BCOR: variants seen among roughly 807,000 people sequenced by gnomAD.
BCOR encodes BCL-6 corepressor.
Under a neutral mutation model 86.7 loss-of-function variants are expected in BCOR, and 10 were observed. That is an observed-to-expected ratio of 0.12 (90% CI 0.07 to 0.20). The LOEUF is 0.20. Among genes scored for constraint, BCOR ranks in the 10% least tolerant of loss-of-function variants. The probability of loss-of-function intolerance (pLI) is 1.00; values close to 1 mark genes in which losing one functional copy is unlikely to be tolerated. For synonymous variants in BCOR, 611 were observed against 609.0 expected (o/e 1.00, Z -0.05); for missense variants, 1,259 against 1,452.1 (o/e 0.87, Z 2.16).
At chrX:40,065,467 TCTC>T (rs1935152952) in intron 6 of BCOR, among the ~76,000 whole-genome samples, 1 of 111,895 alleles carries the variant, frequency 8.9e-6, no homozygotes. Context: ...TCGACAGACA[TCTC>T]CTCATTGTTG....
At chrX:40,137,526 T>C (rs1416639031) in intron 1 of BCOR, among the ~76,000 whole-genome samples, 1 of 102,919 alleles carries the variant, frequency 9.7e-6, no homozygotes, top group African/African-American at 4.0e-5. Context: ...GCAGCCTAGA[T>C]AATAGAGTGA....
intron 7 of BCOR, among the ~76,000 whole-genome samples, 181 bp from the exon 8 acceptor site, chrX:40,064,133 TC>T (rs1322847958): frequency 9.4e-6 from 1 of 106,309 alleles, no homozygotes; most frequent in Non-Finnish European, 2.0e-5. Context: ...TGTGGGCGGC[TC>T]CCCCCGGGGG....
chrX:40,087,179 A>G (rs775706263), intron 1 of BCOR, among the ~76,000 whole-genome samples: 4 of 113,337 alleles, frequency 3.5e-5, no homozygotes, highest in South Asian at 7.1e-4. Context: ...CAGAGGCCAG[A>G]CAGGTCTGTG....
chrX:40,073,365 G>C lies in BCOR; in HGVS notation c.1981C>G (p.Pro661Ala), dbSNP rs749370134. ...IPYPRSYLPY[P>A]APEGIAVSPL... Reference sequence around the variant, plus strand: ...CTTACAGCAATGCCCTCAGGGGCTGGGTAAGGGAGGTAACTCCTGGGGTAG... The same window carrying C: ...CTTACAGCAATGCCCTCAGGGGCTGCGTAAGGGAGGTAACTCCTGGGGTAG... The change falls in exon 4 of 15, where the codon CCA becomes GCA. Residue 661 changes from proline to alanine, a missense_variant. Physicochemically the swap from Pro to Ala is conservative, Grantham distance 27. Transcript: ENST00000378444. 10 of 1,210,988 alleles carry C rather than the reference G, an allele frequency of 8.3e-6. No individual in the cohort carries two copies. In the Admixed American group the frequency reaches 1.5e-4, roughly 18 times the overall value.
chrX:40,092,115 C>G (rs1321072775), intron 1 of BCOR, among the ~76,000 whole-genome samples: 1 of 112,059 alleles, frequency 8.9e-6, no homozygotes, highest in Non-Finnish European at 1.9e-5. Flanking sequence ...GGAAGTTCCC[C>G]GCCCCGCCGC....
Position 40,131,523 on chromosome X carries a change from TG to T in BCOR, c.-41+45483del, listed in dbSNP as rs1937601620. Among the ~76,000 whole-genome samples, 3 of 111,859 alleles carry T rather than the reference TG, an allele frequency of 2.7e-5. No individual in the cohort carries two copies. In the South Asian group the frequency reaches 1.1e-3, roughly 42 times the overall value. Reference sequence around the variant, plus strand: ...TTAGCCAGGCGTGGTGGCACATGCCTGTAATTGAAGCTACTCAGGAGGCTGA... The same window carrying T: ...TTAGCCAGGCGTGGTGGCACATGCCTTAATTGAAGCTACTCAGGAGGCTGA... On this transcript the variant is annotated intron_variant, in intron 1 of 14. Coordinates refer to the BCOR transcript ENST00000342274.
At chrX:40,148,663 G>C (rs1260468368) in intron 1 of BCOR, among the ~76,000 whole-genome samples, 1 of 111,408 alleles carries the variant, frequency 9.0e-6, no homozygotes, top group Non-Finnish European at 1.9e-5. Context: ...GCCTGCCTAC[G>C]TGGGGCCTGA....
intron 10 of BCOR, 112 bp from the exon 11 acceptor site, chrX:40,057,433 C>A: frequency 1.2e-6 from 1 of 820,782 alleles, no homozygotes; most frequent in Non-Finnish European, 1.8e-6. Context: ...AACCTGAGAA[C>A]CTCTCGGGCG....
intron 12 of BCOR, 117 bp downstream of exon 12, chrX:40,055,251 C>G (rs1602108139): frequency 2.6e-6 from 2 of 774,964 alleles, no homozygotes; most frequent in Non-Finnish European, 3.9e-6. Context: ...CGGCTGCTCT[C>G]CTAAAAGCTT....
chrX:40,107,443 G>C (rs888165586), intron 1 of BCOR, among the ~76,000 whole-genome samples: 3 of 112,275 alleles, frequency 2.7e-5, no homozygotes, highest in African/African-American at 9.7e-5. Flanking sequence ...TCCCTAGCTC[G>C]ACGCGCAAGC....
chrX:40,172,380 A>G (rs1259634828), intron 1 of BCOR, among the ~76,000 whole-genome samples: 1 of 112,585 alleles, frequency 8.9e-6, no homozygotes. Context: ...GTGCTTCCTA[A>G]GGATACTAGC....
At chrX:40,149,659 C>T (rs1381559262) in intron 1 of BCOR, among the ~76,000 whole-genome samples, 1 of 110,215 alleles carries the variant, frequency 9.1e-6, no homozygotes, top group African/African-American at 3.3e-5. Flanking sequence ...TGCTTTTTTT[C>T]CTTGTTATTT....
At chrX:40,084,388 G>A (rs1433711956) in intron 1 of BCOR, among the ~76,000 whole-genome samples, 1 of 111,929 alleles carries the variant, frequency 8.9e-6, no homozygotes, top group Non-Finnish European at 1.9e-5. Context: ...TGCCACACGG[G>A]GAGTCAGGAA....
At chrX:40,130,546 G>T (rs1056379254) in intron 1 of BCOR, among the ~76,000 whole-genome samples, 1 of 112,351 alleles carries the variant, frequency 8.9e-6, no homozygotes, top group Non-Finnish European at 1.9e-5. Flanking sequence ...GCAGCTCCAA[G>T]CCTACCCCTG....
intron 1 of BCOR, among the ~76,000 whole-genome samples, chrX:40,170,902 T>G (rs1326017007): frequency 8.9e-6 from 1 of 112,343 alleles, no homozygotes; most frequent in Non-Finnish European, 1.9e-5. Flanking sequence ...TTTTTCTACC[T>G]AAGAGAGACT....
At chrX:40,080,985 A>ACGCG (rs555849945) in intron 1 of BCOR, among the ~76,000 whole-genome samples, 2 of 21,082 alleles carry the variant, frequency 9.5e-5, no homozygotes, top group African/African-American at 2.6e-4. Context: ...GCACACACAC[A>ACGCG]CGCGCACACA....
chrX:40,098,820 T>A (rs1342611529), upstream of BCOR, among the ~76,000 whole-genome samples: 1 of 111,753 alleles, frequency 8.9e-6, no homozygotes, highest in East Asian at 2.8e-4. Context: ...CGCGCCCGAG[T>A]TCCCCGGACG....
intron 6 of BCOR, among the ~76,000 whole-genome samples, chrX:40,066,172 A>T (rs1267215352): frequency 9.0e-6 from 1 of 111,558 alleles, no homozygotes; most frequent in Non-Finnish European, 1.9e-5. Flanking sequence ...CCAAGCCCCC[A>T]CCATGGAATA....
Position 40,073,260 on chromosome X carries a change from G to T in BCOR, c.2086C>A (p.Leu696Ile), listed in dbSNP as rs1447796810. ...TAGGGCAGCCCAGGCTTTGGGGCAA[G>T]GTGCCCAGGAAACAGACTGCCATTG... The part of the protein sequence containing the change: ...LPNGSLFPGH[L>I]APKPGLPYGL... The change falls in exon 4 of 15, where the codon CTT becomes ATT. Residue 696 changes from leucine (L) to isoleucine (I), a missense_variant. Around this residue, in one of 7 missense-constraint regions of BCOR, gnomAD observed 534 missense variants for 594.8 expected, o/e 0.90. Coordinates refer to ENST00000378444, the MANE Select transcript of BCOR (RefSeq NM_001123385.2). 5.8e-6 allele frequency: 7 copies of T among 1,210,523 alleles called. No individual in the cohort carries two copies. The South Asian group carries it at 1.2e-4, about 21-fold the overall frequency.
Sources: allele counts gnomAD v4.1 joint callset (sites outside exome capture counted in the v4.1 genomes callset), GRCh38; gene constraint gnomAD v4.1.1; regional missense constraint gnomAD v4.1.1; transcripts MANE v1.5; gene names NCBI Gene and HGNC (gene_info 2026-07-23, HGNC 2026-07-21).